The following CELF2 variants were observed in gnomAD, a reference collection of about 807,000 sequenced individuals.
CELF2 encodes CUGBP Elav-like family member 2, also known as CUG triplet repeat RNA-binding protein 2.
A neutral mutation model predicts 62.6 loss-of-function variants in CELF2; 8 were observed. The ratio of observed to expected loss-of-function variants is 0.13; its 90% CI spans 0.07 to 0.23. The LOEUF (loss-of-function observed/expected upper bound fraction) is 0.23. Among genes scored for constraint, CELF2 ranks in the 10% least tolerant of loss-of-function variants. CELF2 has a pLI of 1.00. For missense variants in CELF2, 333 were observed against 671.0 expected, an observed-to-expected ratio of 0.50 and a Z score of 5.56; for synonymous variants, 258 against 250.0, an observed-to-expected ratio of 1.03 and a Z score of -0.30.
chr10:11,080,600 C>T lies in CELF2; in HGVS notation c.74+62437C>T, dbSNP rs117476799. Among the ~76,000 whole-genome samples, 18 of 152,340 alleles carry T rather than the reference C, an allele frequency of 1.2e-4. No homozygotes were observed. In the East Asian group the frequency reaches 3.5e-3, roughly 29 times the overall value. ...AAGTTTCTGTCTGCATTAACCATTA[C>T]CTTCCTCTCTATCAGACACTCATTC... On this transcript the variant is annotated intron_variant, in intron 1 of 12. Transcript: ENST00000633077.
At chr10:11,088,865 A>C (rs898911406) in intron 1 of CELF2, among the ~76,000 whole-genome samples, 2 of 152,180 alleles carry the variant, frequency 1.3e-5, no homozygotes, top group Non-Finnish European at 2.9e-5. Flanking sequence ...AGTCATCTGG[A>C]GGTGTCCTCG....
the CELF2 span, among the ~76,000 whole-genome samples, chr10:10,782,390 G>A: frequency 6.6e-6 from 1 of 152,210 alleles, no homozygotes; most frequent in East Asian, 1.9e-4. Flanking sequence ...GAGGCAGAAA[G>A]AAAGGGGGCA....
intron 5 of CELF2, among the ~76,000 whole-genome samples, chr10:11,264,866 C>A (rs979850793): frequency 2.0e-5 from 3 of 152,244 alleles, no homozygotes; most frequent in African/African-American, 7.2e-5. Flanking sequence ...TGAGACAGCT[C>A]AGCATTCACC....
In CELF2 at chr10:11,226,118, C is replaced by A. The variant is rs545008274; in HGVS notation, c.354+8611C>A. ...GCCAGCACAGCACAACGGGAACAGTCACCGTGAAGGAAGTAGCTCCTCTTT... is the reference window on the plus strand; with the variant it reads ...GCCAGCACAGCACAACGGGAACAGTAACCGTGAAGGAAGTAGCTCCTCTTT... On this transcript the variant is annotated intron_variant, in intron 3 of 12. Coordinates refer to ENST00000633077, the MANE Select transcript of CELF2 (RefSeq NM_001326342.2). Among the ~76,000 whole-genome samples, 27 of 152,308 alleles carry A rather than the reference C, an allele frequency of 1.8e-4. No individual in the cohort carries two copies. In the South Asian group the frequency reaches 5.0e-3, roughly 28 times the overall value.
At chr10:10,614,833 T>A in the CELF2 span, among the ~76,000 whole-genome samples, 1 of 152,028 alleles carries the variant, frequency 6.6e-6, no homozygotes, top group African/African-American at 2.4e-5. Flanking sequence ...GAAGGTGAGA[T>A]GGTAAATGAA....
At chr10:10,772,861 T>A in the CELF2 span, among the ~76,000 whole-genome samples, 2 of 152,352 alleles carry the variant, frequency 1.3e-5, no homozygotes, top group East Asian at 3.9e-4. Flanking sequence ...TTGAACATCT[T>A]TAAAAATCAA....
intron 1 of CELF2, among the ~76,000 whole-genome samples, chr10:10,829,932 T>C (rs1285029185): frequency 6.6e-6 from 1 of 152,204 alleles, no homozygotes; most frequent in Admixed American, 6.5e-5. Flanking sequence ...AACACACAAC[T>C]ACCTTTTCCA....
intron 1 of CELF2, among the ~76,000 whole-genome samples, chr10:11,006,703 G>C (rs149161228): frequency 1.3e-5 from 2 of 152,302 alleles, no homozygotes; most frequent in African/African-American, 4.8e-5. Context: ...AAGGACAAGT[G>C]AGAACTTTTG....
intron 1 of CELF2, among the ~76,000 whole-genome samples, chr10:11,105,039 T>G (rs1478869537): frequency 6.6e-6 from 1 of 152,192 alleles, no homozygotes. Flanking sequence ...CCAAGCATCT[T>G]TTTTTCCAAC....
At chr10:11,251,138 A>G (rs2077001260) in intron 4 of CELF2, among the ~76,000 whole-genome samples, 3 of 152,182 alleles carry the variant, frequency 2.0e-5, no homozygotes, top group Non-Finnish European at 4.4e-5. Context: ...CAGGACAAGG[A>G]CCATGAAGTG....
At position 10,924,723 on chromosome 10, in the gene CELF2, G is replaced by GTTTTTT. The variant is rs751311320; in HGVS notation, c.89+4724_89+4725insTTTTTT. On this transcript the variant is annotated intron_variant, in intron 2 of 13. Coordinates refer to the CELF2 transcript ENST00000636488. ...TGTATATTAATCCAGTAACTTGATCGCTTTTTTTTTTTTTTTTTTGCCTTC... is the reference window on the plus strand; with the variant it reads ...TGTATATTAATCCAGTAACTTGATCGTTTTTTCTTTTTTTTTTTTTTTTTTGCCTTC... Among the ~76,000 whole-genome samples, 61 of 24,470 alleles carry GTTTTTT rather than the reference G, an allele frequency of 2.5e-3. 2 individuals carry two copies. Among genetic ancestry groups the GTTTTTT allele is most frequent in the Non-Finnish European group, 3.3e-3 (49 of 14,764 alleles). The allele number at this position is 24,470 out of a possible 152,430, so 16.1% of individuals were successfully genotyped here. A position where few individuals can be genotyped will look rare whatever the true frequency, so the allele number is the denominator to read the frequency against.
At chr10:11,049,642 C>G (rs928461240) in intron 1 of CELF2, among the ~76,000 whole-genome samples, 2 of 151,080 alleles carry the variant, frequency 1.3e-5, no homozygotes, top group African/African-American at 4.9e-5. Flanking sequence ...TCTGTACTAC[C>G]TCACGCTTCC....
chr10:10,969,595 C>T lies in CELF2; in HGVS notation c.89+49596C>T, dbSNP rs191736633. On this transcript the variant is annotated intron_variant, in intron 2 of 13. Transcript: ENST00000636488. Reference sequence around the variant, plus strand: ...TTCTATCTCCTTCTCCCTCCCCTCCCTCTCCCCTTCCCCATTCTCTGTCAT... The same window carrying T: ...TTCTATCTCCTTCTCCCTCCCCTCCTTCTCCCCTTCCCCATTCTCTGTCAT... Among the ~76,000 whole-genome samples, 229 of 152,278 alleles carry T rather than the reference C, an allele frequency of 1.5e-3. 2 individuals carry two copies. Among genetic ancestry groups the T allele is most frequent in the African/African-American group, 5.0e-3 (207 of 41,562 alleles).
Position 11,165,690 on chromosome 10 carries a change from G to T in CELF2, c.271+8G>T. On this transcript the variant is annotated splice_region_variant and intron_variant, in intron 2 of 12. Transcript: ENST00000633077. This position sits in a 1 kb window ranked among gnomAD's most constrained non-coding sequence, Gnocchi z 7.4. Reference sequence around the variant, plus strand: ...ACCCTCCGCAGAGTAAAGGTACAGAGCGCGGGGCGGGGGTCGCCAGGCGTC... The same window carrying T: ...ACCCTCCGCAGAGTAAAGGTACAGATCGCGGGGCGGGGGTCGCCAGGCGTC... 1 of 1,606,566 alleles carries T rather than the reference G, an allele frequency of 6.2e-7. No individual in the cohort carries two copies. Among genetic ancestry groups the T allele is most frequent in the Non-Finnish European group, 8.5e-7 (1 of 1,176,356 alleles).
chr10:11,164,142 C>A (rs2066384232), intron 1 of CELF2, among the ~76,000 whole-genome samples: 2 of 152,214 alleles, frequency 1.3e-5, no homozygotes, highest in Admixed American at 1.3e-4. Flanking sequence ...GTTTCGGCGC[C>A]TTCTATTTTC....
At chr10:10,553,173 G>A in the CELF2 span, among the ~76,000 whole-genome samples, 174 of 152,310 alleles carry the variant, frequency 1.1e-3, 4 homozygotes, top group South Asian at 0.031. Flanking sequence ...ACCTTATATG[G>A]TGACAGGCAA....
chr10:10,684,969 C>G, the CELF2 span, among the ~76,000 whole-genome samples: 1,566 of 152,218 alleles, frequency 0.01, 26 homozygotes, highest in African/African-American at 0.036. Flanking sequence ...AGTGGATTCT[C>G]TTTGGTTAGA....
intron 1 of CELF2, among the ~76,000 whole-genome samples, chr10:11,085,643 A>G (rs540594333): frequency 6.6e-6 from 1 of 152,090 alleles, no homozygotes. Flanking sequence ...CTAAAGTTAC[A>G]TATTGGGAAT....
the CELF2 span, among the ~76,000 whole-genome samples, chr10:10,478,869 G>A: frequency 2.6e-5 from 4 of 152,162 alleles, no homozygotes; most frequent in African/African-American, 4.8e-5. Flanking sequence ...TCTGGTTTAT[G>A]AGCAATAATA....
Sources: gnomAD v4.1 joint callset for allele counts (sites outside exome capture counted in the v4.1 genomes callset) on GRCh38, gnomAD v4.1.1 for gene constraint, Gnocchi (gnomAD v3.1) non-coding constraint, MANE v1.5 for transcripts, NCBI Gene and HGNC (gene_info 2026-07-23, HGNC 2026-07-21) for gene names.